Variants in RFC2 observed in about 807,000 individuals in gnomAD.
RFC2 encodes the protein A1 40 kDa subunit.
In RFC2, 34 loss-of-function variants were observed where a neutral mutation model predicts 44.8. The observed-to-expected ratio is 0.76, with a 90% CI of 0.58 to 1.01. The LOEUF is 1.01. Ranked by LOEUF, RFC2 falls within the 50% of genes least tolerant of loss-of-function variation. RFC2 has a pLI of 0.00. For missense variants in RFC2, 400 were observed against 453.6 expected (o/e 0.88, Z 1.07); for synonymous variants, 177 against 168.9 (o/e 1.05, Z -0.37).
chr7:74,244,279 T>C (rs1172667340), intron 5 of RFC2, among the ~76,000 whole-genome samples: 1 of 149,884 alleles, frequency 6.7e-6, no homozygotes, highest in Non-Finnish European at 1.5e-5. Flanking sequence ...AAAAAATAAA[T>C]AAATAAAAAG....
At position 74,232,149 on chromosome 7, in the gene RFC2, A is replaced by G; in HGVS notation, c.1022T>C (p.Leu341Pro). ...CATTGTCTTCTGACACAGCCTTGCC[A>G]GGAGGCCTGCCATCTGCAAAAGAGA... Reference protein sequence around the residue: ...VNSLLQMAGLLARLCQKTMAP... With the variant: ...VNSLLQMAGLPARLCQKTMAP... Residue 341 changes from leucine to proline, a missense_variant, in exon 11 of 11, where the codon CTG becomes CCG. Transcript: ENST00000055077. The G allele has an allele frequency of 6.2e-7, 1 of 1,613,436 alleles. No individual in the cohort carries two copies. Among genetic ancestry groups the G allele is most frequent in the East Asian group, 2.2e-5 (1 of 44,888 alleles).
intron 10 of RFC2, among the ~76,000 whole-genome samples, chr7:74,233,595 G>GTT (rs79258549): frequency 1.0e-3 from 124 of 124,420 alleles, no homozygotes; most frequent in Middle Eastern, 3.9e-3. Flanking sequence ...GTTGTTATTG[G>GTT]TTTTTTTTTT....
In RFC2 at chr7:74,239,992, G is replaced by A; in HGVS notation, c.639C>T (p.Tyr213=). The A allele has an allele frequency of 6.2e-7, 1 of 1,613,654 alleles. No individual in the cohort carries two copies. Among genetic ancestry groups the A allele is most frequent in the Non-Finnish European group, 8.5e-7 (1 of 1,179,852 alleles). ...MNVIEKERVP[Y]TDDGLEAIIF... is the part of the protein sequence containing the mutation. ...TGATGGCTTCTAGGCCGTCATCAGTGTAGGGTACCCTCTCCTTCTCGATAA... is the reference window on the plus strand; with the variant it reads ...TGATGGCTTCTAGGCCGTCATCAGTATAGGGTACCCTCTCCTTCTCGATAA... Residue 213 remains tyrosine, a synonymous_variant, in exon 7 of 11, where the codon TAC becomes TAT. Transcript: ENST00000055077.
chr7:74,242,010 G>A (rs1188343356), intron 6 of RFC2, among the ~76,000 whole-genome samples: 2 of 152,150 alleles, frequency 1.3e-5, no homozygotes, highest in African/African-American at 4.8e-5. Context: ...TGACAGACTA[G>A]AGCACTCTTG....
chr7:74,232,005 A>G lies in RFC2; in HGVS notation c.*101T>C, dbSNP rs782628233. On this transcript the variant is annotated 3_prime_UTR_variant, in exon 11 of 11. Coordinates refer to ENST00000055077, the MANE Select transcript of RFC2 (RefSeq NM_181471.3). The stretch of plus-strand genomic sequence containing the variant: ...AGCCACTGGAGTTTAAAGGACAGTC[A>G]TGTTGGCTCCAGCCTAAGGCGGCAT... 1.4e-6 allele frequency: 1 copy of G among 736,586 alleles called. No homozygotes were observed. The highest frequency in any genetic ancestry group is 2.4e-6 in the Non-Finnish European group (1 of 417,600). 45.6% of individuals were successfully genotyped at this position (736,586 alleles called of 1,614,324 possible). A position where few individuals can be genotyped will look rare whatever the true frequency, so the allele number is the denominator to read the frequency against.
chr7:74,234,869 A>T (rs1802917213), intron 10 of RFC2, among the ~76,000 whole-genome samples: 1 of 152,134 alleles, frequency 6.6e-6, no homozygotes, highest in South Asian at 2.1e-4. Flanking sequence ...AGCCTGCAGA[A>T]CTGTGAGCCA....
intron 5 of RFC2, among the ~76,000 whole-genome samples, chr7:74,245,262 C>T (rs567893447): frequency 1.2e-4 from 18 of 151,646 alleles, no homozygotes; most frequent in African/African-American, 4.3e-4. Context: ...TCAGGTGATC[C>T]GCCTGCCTCG....
intron 3 of RFC2, 193 bp from the exon 4 acceptor site, chr7:74,249,311 C>T (rs782192697): frequency 7.1e-5 from 67 of 948,686 alleles, no homozygotes; most frequent in Non-Finnish European, 8.9e-5. Context: ...GAGGCCAAGG[C>T]GGGCAGATCA....
At chr7:74,245,950 A>T (rs1400237144) in intron 5 of RFC2, among the ~76,000 whole-genome samples, 6 of 151,502 alleles carry the variant, frequency 4.0e-5, no homozygotes, top group Non-Finnish European at 7.4e-5. Context: ...TAATCCCAGC[A>T]CTTTGGGAGG....
intron 5 of RFC2, among the ~76,000 whole-genome samples, chr7:74,244,286 A>C (rs1432278209): frequency 6.6e-6 from 1 of 151,732 alleles, no homozygotes; most frequent in Non-Finnish European, 1.5e-5. Context: ...AAATAAATAA[A>C]AAGGCAGCAA....
intron 10 of RFC2, chr7:74,233,806 A>C: frequency 2.2e-6 from 1 of 455,812 alleles, no homozygotes; most frequent in South Asian, 1.5e-5. Context: ...CAAACTGAGC[A>C]CTCCATGTGG....
intron 2 of RFC2, among the ~76,000 whole-genome samples, chr7:74,252,146 G>T (rs1191498487): frequency 3.9e-5 from 5 of 127,436 alleles, no homozygotes; most frequent in Non-Finnish European, 8.0e-5. Context: ...GGTGGCTCAC[G>T]CCTGTAATCC....
chr7:74,237,507 A>G (rs782032682), intron 8 of RFC2, 65 bp from the exon 9 acceptor site: 36 of 1,015,962 alleles, frequency 3.5e-5, no homozygotes, highest in Non-Finnish European at 5.0e-5. Flanking sequence ...GGAGGCCCCA[A>G]CAGACCGACT....
chr7:74,237,530 A>G (rs1027771648), intron 8 of RFC2, 88 bp from the exon 9 acceptor site: 16 of 737,694 alleles, frequency 2.2e-5, no homozygotes, highest in East Asian at 2.9e-5. Flanking sequence ...CAGGCAATCT[A>G]TGGGTAAAAC....
intron 4 of RFC2, among the ~76,000 whole-genome samples, chr7:74,247,605 A>C (rs955395912): frequency 6.6e-6 from 1 of 152,162 alleles, no homozygotes; most frequent in Non-Finnish European, 1.5e-5. Context: ...GTGCCACTGC[A>C]CTCCAGCCTG....
In RFC2 at chr7:74,251,077, A is replaced by G. The variant is rs782060103; in HGVS notation, c.184-1297T>C. ...GCTGGGATTACAGGTGTGAGCCACCACACCCGGCCCTATTAAAACATTTTT... is the reference window on the plus strand; with the variant it reads ...GCTGGGATTACAGGTGTGAGCCACCGCACCCGGCCCTATTAAAACATTTTT... On this transcript the variant is annotated intron_variant, in intron 2 of 10. Transcript: ENST00000055077. Among the ~76,000 whole-genome samples the G allele has an allele frequency of 4.7e-5, 7 of 150,516 alleles. No individual in the cohort carries two copies. The South Asian group carries it at 6.3e-4, about 14-fold the overall frequency.
intron 8 of RFC2, 72 bp from the exon 9 acceptor site, chr7:74,237,514 G>A (rs900563915): frequency 1.9e-5 from 17 of 890,536 alleles, no homozygotes; most frequent in East Asian, 5.7e-5. Flanking sequence ...CCAACAGACC[G>A]ACTTCCAGGC....
chr7:74,247,653 G>GA (rs2116327838), intron 4 of RFC2, among the ~76,000 whole-genome samples: 1 of 152,148 alleles, frequency 6.6e-6, no homozygotes, highest in East Asian at 1.9e-4. Context: ...AAAAAAGAAA[G>GA]AAAGAAAAGA....
chr7:74,243,147 G>C lies in RFC2; in HGVS notation c.534C>G (p.Ile178Met). 1 of 1,608,136 alleles carries C rather than the reference G, an allele frequency of 6.2e-7. No individual in the cohort carries two copies. The change falls in exon 6 of 11, where the codon ATC (isoleucine) becomes ATG (methionine). Residue 178 changes from isoleucine to methionine, a missense_variant and splice_region_variant. Coordinates refer to ENST00000055077, the MANE Select transcript of RFC2 (RefSeq NM_181471.3). ...ALACNASDKI[I>M]EPIQSRCAVL... ...CAGCCACCGAAAGCTCCCACTCACC[G>C]ATGATCTTATCCGAAGCATTACAAG...
Sources: allele counts gnomAD v4.1 joint callset (sites outside exome capture counted in the v4.1 genomes callset), GRCh38; gene constraint gnomAD v4.1.1; transcripts MANE v1.5; gene names NCBI Gene and HGNC (gene_info 2026-07-23, HGNC 2026-07-21).